Variants in ANXA4 observed in about 807,000 individuals in gnomAD.
ANXA4 encodes 35-beta calcimedin.
In ANXA4, 39 loss-of-function variants were observed where a neutral mutation model predicts 49.8. The observed-to-expected ratio is 0.78, with a 90% CI of 0.61 to 1.02. The LOEUF is 1.02. Ranked by LOEUF, ANXA4 falls within the 50% of genes least tolerant of loss-of-function variation. ANXA4 has a pLI of 0.00. For missense variants in ANXA4, 360 were observed against 410.1 expected, an observed-to-expected ratio of 0.88 and a Z score of 1.05; for synonymous variants, 134 against 152.5, an observed-to-expected ratio of 0.88 and a Z score of 0.89.
intron 2 of ANXA4, among the ~76,000 whole-genome samples, chr2:69,657,085 C>T (rs946321250): frequency 6.6e-6 from 1 of 151,536 alleles, no homozygotes; most frequent in African/African-American, 2.4e-5. Flanking sequence ...ACCTCCACCT[C>T]CTGGGTTCAA....
Position 69,656,268 on chromosome 2 carries a change from T to TAC in ANXA4, n.766+2986_766+2987insAC, listed in dbSNP as rs199704607. On this transcript the variant is annotated intron_variant and non_coding_transcript_variant, in intron 2 of 3. Coordinates refer to the ANXA4 transcript ENST00000418066. ...ATATATATGTATATACGTATATATA[T>TAC]GTATATACGTATATATATACATATA... Among the ~76,000 whole-genome samples the TAC allele has an allele frequency of 3.5e-3, 451 of 127,762 alleles. 47 individuals are homozygous for TAC. Among genetic ancestry groups the TAC allele is most frequent in the East Asian group, 0.018 (42 of 2,276 alleles). 83.8% of individuals were successfully genotyped at this position (127,762 alleles called of 152,430 possible). A position where few individuals can be genotyped will look rare whatever the true frequency, so the allele number is the denominator to read the frequency against.
At chr2:69,767,596 C>T (rs1360904665) in intron 1 of ANXA4, among the ~76,000 whole-genome samples, 1 of 152,230 alleles carries the variant, frequency 6.6e-6, no homozygotes, top group African/African-American at 2.4e-5. Flanking sequence ...ACCAGAAAGG[C>T]CGTATGGCTG....
intron 12 of ANXA4, 114 bp from the exon 13 acceptor site, chr2:69,825,342 A>C (rs1416997071): frequency 1.2e-6 from 1 of 805,902 alleles, no homozygotes; most frequent in East Asian, 2.7e-5. Flanking sequence ...ATAACAAAAA[A>C]AATTTAAAGC....
Position 69,723,024 on chromosome 2 carries a change from T to TAC in ANXA4, n.864+2154_864+2155insCA, listed in dbSNP as rs1214812142. ...CATCTCTACTAAAAATACCAAAAAA[T>TAC]ATATATATATATATATATTAGCCGG... On this transcript the variant is annotated intron_variant and non_coding_transcript_variant, in intron 3 of 3. Coordinates refer to the ANXA4 transcript ENST00000418066. Among the ~76,000 whole-genome samples the TAC allele has an allele frequency of 2.1e-5, 3 of 142,840 alleles. No homozygotes were observed. The East Asian group carries it at 6.2e-4, about 29-fold the overall frequency. 93.7% of individuals were successfully genotyped at this position (142,840 alleles called of 152,430 possible).
chr2:69,761,277 A>G (rs1400513124), intron 1 of ANXA4, among the ~76,000 whole-genome samples: 1 of 152,170 alleles, frequency 6.6e-6, no homozygotes, highest in Non-Finnish European at 1.5e-5. Context: ...CCAAATCTGA[A>G]TGCAAATTTT....
chr2:69,735,222 T>C (rs1011338002), intron 3 of ANXA4, among the ~76,000 whole-genome samples: 1 of 152,160 alleles, frequency 6.6e-6, no homozygotes, highest in Non-Finnish European at 1.5e-5. Context: ...TCTGAGGAGG[T>C]AAGGAAGTAT....
rs1335617109 is a variant in ANXA4, at chr2:69,784,979, C to G, written c.10-3075C>G. ...CTTAACTGATTAATCTGCAGTGGCCCTATTTCCAAATAAGGTCACATTCTG... is the reference window on the plus strand; with the variant it reads ...CTTAACTGATTAATCTGCAGTGGCCGTATTTCCAAATAAGGTCACATTCTG... On this transcript the variant is annotated intron_variant, in intron 2 of 12. Coordinates refer to ENST00000394295, the MANE Select transcript of ANXA4 (RefSeq NM_001153.5). 2.6e-5 allele frequency among the ~76,000 whole-genome samples: 4 copies of G among 152,186 alleles called. No homozygotes were observed. The South Asian group carries it at 8.3e-4, about 31-fold the overall frequency.
At chr2:69,812,610 G>C in intron 7 of ANXA4, 43 bp from the exon 8 acceptor site, 2 of 1,552,810 alleles carry the variant, frequency 1.3e-6, no homozygotes, top group Non-Finnish European at 1.8e-6. Flanking sequence ...AGATCTTCAT[G>C]TATACTCTCG....
chr2:69,823,626 C>G (rs186904395), intron 12 of ANXA4, among the ~76,000 whole-genome samples: 324 of 152,170 alleles, frequency 2.1e-3, no homozygotes, highest in African/African-American at 7.6e-3. Flanking sequence ...GAAAGTGGAT[C>G]ACGTTATACT....
In ANXA4 at chr2:69,807,947, C is replaced by T. The variant is rs746660124; in HGVS notation, c.348C>T (p.Ala116=). 6.2e-7 allele frequency: 1 copy of T among 1,614,154 alleles called. No homozygotes were observed. The highest frequency in any genetic ancestry group is 8.5e-7 in the Non-Finnish European group (1 of 1,180,018). The change falls in exon 6 of 13, where the codon GCC becomes GCT. Residue 116 remains alanine, a synonymous_variant. Transcript: ENST00000394295. ...TDEGCLIEIL[A]SRTPEEIRRI... is the part of the protein sequence containing the mutation. ...AGGGCTGCCTAATTGAGATCCTGGC[C>T]TCCCGGACCCCTGAGGAGATCCGGC...
At chr2:69,644,333 C>T (rs188020172), upstream of ANXA4, 747 of 152,306 alleles carry the variant, frequency 4.9e-3, 2 homozygotes, top group Non-Finnish European at 7.0e-3. Flanking sequence ...CTGTGGGTTT[C>T]CCGACGTCTC....
At chr2:69,713,084 A>C (rs1418103977) in intron 2 of ANXA4, among the ~76,000 whole-genome samples, 1 of 152,072 alleles carries the variant, frequency 6.6e-6, no homozygotes, top group African/African-American at 2.4e-5. Flanking sequence ...CTGCTGTGGG[A>C]ACCCAAATGC....
intron 2 of ANXA4, among the ~76,000 whole-genome samples, chr2:69,708,465 T>C (rs72901449): frequency 0.077 from 11,635 of 151,926 alleles, 1,201 homozygotes; most frequent in African/African-American, 0.23. Flanking sequence ...GCTGGTGGCA[T>C]CCGCCTGTGA....
intron 2 of ANXA4, among the ~76,000 whole-genome samples, chr2:69,684,191 T>C (rs1346967371): frequency 6.6e-6 from 1 of 152,212 alleles, no homozygotes; most frequent in Non-Finnish European, 1.5e-5. Flanking sequence ...CTCTATACCA[T>C]GCTTCACTTT....
chr2:69,671,025 CAA>C (rs762968256), intron 2 of ANXA4, among the ~76,000 whole-genome samples: 207 of 32,536 alleles, frequency 6.4e-3, no homozygotes, highest in East Asian at 0.025. Flanking sequence ...GACTCCATCT[CAA>C]AAAAAAAAAA....
chr2:69,646,233 C>G (rs1293753575), intron 1 of ANXA4, among the ~76,000 whole-genome samples: 1 of 152,156 alleles, frequency 6.6e-6, no homozygotes, highest in Non-Finnish European at 1.5e-5. Context: ...AAATAATGAA[C>G]AGATCAGCCA....
rs541877631 is a variant in ANXA4 at position 69,780,031 on chromosome 2, A to G, written c.-46-1489A>G. On this transcript the variant is annotated intron_variant, in intron 1 of 12. Coordinates refer to ENST00000394295, the MANE Select transcript of ANXA4 (RefSeq NM_001153.5). ...ATCAAACAAGGCCTAAATGGTAATC[A>G]GGTGGGTTAAGAAGGACTTAGTTAT... Among the ~76,000 whole-genome samples the G allele has an allele frequency of 1.1e-3, 170 of 152,376 alleles. 2 individuals are homozygous for G. The highest frequency in any genetic ancestry group is 4.0e-3 in the African/African-American group (166 of 41,578).
Position 69,826,719 on chromosome 2 carries a change from G to C in ANXA4, c.*1204G>C, listed in dbSNP as rs1674485148. On this transcript the variant is annotated 3_prime_UTR_variant, in exon 13 of 13. Transcript: ENST00000394295. ...AGAACTGCTTGAACCCAGGAGGCAG[G>C]AGGCAAAGGTTGCAGTGAGCCGAGA... 1 of 151,230 alleles carries C rather than the reference G, an allele frequency of 6.6e-6. No homozygotes were observed. The highest frequency in any genetic ancestry group is 6.6e-5 in the Admixed American group (1 of 15,176). 9.4% of individuals were successfully genotyped at this position (151,230 alleles called of 1,614,324 possible). A position where few individuals can be genotyped will look rare whatever the true frequency, so the allele number is the denominator to read the frequency against.
chr2:69,670,756 G>A lies in ANXA4; in HGVS notation n.766+17474G>A, dbSNP rs143794381. The stretch of plus-strand genomic sequence containing the variant: ...AATCAATTCAGGGTCAGGCGTGATG[G>A]CTCACACCTGTAATCCCAGCACTCT... On this transcript the variant is annotated intron_variant and non_coding_transcript_variant, in intron 2 of 3. Coordinates refer to the ANXA4 transcript ENST00000418066. 1.2e-3 allele frequency among the ~76,000 whole-genome samples: 180 copies of A among 152,112 alleles called. 1 individual carries two copies. Among genetic ancestry groups the A allele is most frequent in the African/African-American group, 4.1e-3 (169 of 41,492 alleles).
Sources: gnomAD v4.1 joint callset for allele counts (sites outside exome capture counted in the v4.1 genomes callset) on GRCh38, gnomAD v4.1.1 for gene constraint, MANE v1.5 for transcripts, NCBI Gene and HGNC (gene_info 2026-07-23, HGNC 2026-07-21) for gene names.